The following KYNU variants were observed in gnomAD, a reference collection of about 807,000 sequenced individuals.
The protein encoded by KYNU is L-kynurenine hydrolase.
In KYNU, 54 loss-of-function variants were observed where a neutral mutation model predicts 59.2. The ratio of observed to expected loss-of-function variants is 0.91; its 90% CI spans 0.73 to 1.14. The LOEUF (loss-of-function observed/expected upper bound fraction) is 1.14, where lower values mean the gene tolerates loss of function less well. Among genes scored for constraint, KYNU ranks in the 50% most tolerant of loss-of-function variants. The probability of loss-of-function intolerance (pLI) is 0.00; values close to 1 mark genes in which losing one functional copy is unlikely to be tolerated. For synonymous variants in KYNU, 177 were observed against 192.0 expected (o/e 0.92, Z 0.65); for missense variants, 567 against 554.4 (o/e 1.02, Z -0.23).
At chr2:142,879,158 G>A (rs902423862) in intron 1 of KYNU, among the ~76,000 whole-genome samples, 12 of 152,182 alleles carry the variant, frequency 7.9e-5, no homozygotes, top group African/African-American at 2.7e-4. Context: ...CTTAGCTGCT[G>A]GGGTGAATGC....
At chr2:142,968,065 C>T (rs1430190631) in intron 8 of KYNU, among the ~76,000 whole-genome samples, 1 of 152,136 alleles carries the variant, frequency 6.6e-6, no homozygotes, top group Non-Finnish European at 1.5e-5. Flanking sequence ...TTGCTATTGT[C>T]ACTGGCCATT....
intron 10 of KYNU, among the ~76,000 whole-genome samples, chr2:143,021,581 G>C (rs1686410017): frequency 6.6e-6 from 1 of 151,256 alleles, no homozygotes; most frequent in African/African-American, 2.4e-5. Flanking sequence ...GAGGCAAATG[G>C]GGGGCAGGCA....
At chr2:142,899,994 C>T (rs1682020533) in intron 2 of KYNU, among the ~76,000 whole-genome samples, 1 of 152,174 alleles carries the variant, frequency 6.6e-6, no homozygotes, top group Admixed American at 6.5e-5. Flanking sequence ...TAGCGGCAAG[C>T]CTCTTGTTCT....
chr2:142,900,157 T>C (rs558294909), intron 2 of KYNU, among the ~76,000 whole-genome samples: 89 of 152,290 alleles, frequency 5.8e-4, no homozygotes, highest in African/African-American at 2.1e-3. Flanking sequence ...ACCTGGGCAC[T>C]TAGCCGTGCA....
At chr2:143,011,514 A>T (rs1328163316) in intron 10 of KYNU, among the ~76,000 whole-genome samples, 3 of 116,346 alleles carry the variant, frequency 2.6e-5, no homozygotes, top group African/African-American at 3.7e-5. Flanking sequence ...GCGATTCCTC[A>T]GGGATCTAGA....
intron 7 of KYNU, among the ~76,000 whole-genome samples, chr2:142,958,680 A>G (rs1031143235): frequency 6.6e-6 from 1 of 152,216 alleles, no homozygotes; most frequent in Admixed American, 6.5e-5. Flanking sequence ...TAATAATCAC[A>G]TAAGTGACCA....
chr2:142,947,378 T>TA (rs1317396502), intron 4 of KYNU: 5 of 724,790 alleles, frequency 6.9e-6, no homozygotes, highest in Non-Finnish European at 8.7e-6. Context: ...TGTGTCTTTT[T>TA]AAAAAATAGT....
At chr2:143,015,410 TTCTCA>T (rs1480793937) in intron 10 of KYNU, among the ~76,000 whole-genome samples, 6 of 152,016 alleles carry the variant, frequency 3.9e-5, no homozygotes, top group African/African-American at 7.2e-5. Context: ...TCATGCAAAA[TTCTCA>T]GGCGCCAAGT....
At chr2:143,012,683 T>G (rs1466946935) in intron 10 of KYNU, among the ~76,000 whole-genome samples, 1 of 152,164 alleles carries the variant, frequency 6.6e-6, no homozygotes, top group Non-Finnish European at 1.5e-5. Flanking sequence ...TCCACCTTCA[T>G]GCAGTTACCC....
chr2:142,942,524 T>A (rs934114702), intron 4 of KYNU, among the ~76,000 whole-genome samples: 7 of 152,206 alleles, frequency 4.6e-5, no homozygotes, highest in African/African-American at 1.7e-4. Context: ...AAGGCCAAAT[T>A]TATTTTTTCT....
Position 142,892,377 on chromosome 2 carries a change from G to A in KYNU, c.169+6841G>A, listed in dbSNP as rs763486320. On this transcript the variant is annotated intron_variant, in intron 2 of 13. Coordinates refer to ENST00000264170, the MANE Select transcript of KYNU (RefSeq NM_003937.3). ...TAGGCAGACCTTAGTGTGGAGTGACGTCCAATCATGAAGAGGGAACAGCAT... is the reference window on the plus strand; with the variant it reads ...TAGGCAGACCTTAGTGTGGAGTGACATCCAATCATGAAGAGGGAACAGCAT... Among the ~76,000 whole-genome samples the A allele has an allele frequency of 3.2e-4, 48 of 152,310 alleles. 1 individual carries two copies. Among genetic ancestry groups the A allele is most frequent in the Middle Eastern group, 3.4e-3 (1 of 294 alleles).
chr2:143,048,663 A>G lies in KYNU; in HGVS notation c.*6491A>G, dbSNP rs955258750. On this transcript the variant is annotated 3_prime_UTR_variant, in exon 14 of 14. Coordinates refer to ENST00000264170, the MANE Select transcript of KYNU (RefSeq NM_003937.3). ...TTTCTCATTACTTAAAAATAGTTTC[A>G]CTTCATATAGAATTCTATGTCGACA... is the stretch of plus-strand genomic sequence containing the variant. The G allele has an allele frequency of 1.3e-5, 2 of 152,206 alleles. No homozygotes were observed. Among genetic ancestry groups the G allele is most frequent in the Non-Finnish European group, 2.9e-5 (2 of 68,030 alleles). The allele number at this position is 152,206 out of a possible 1,614,324, so 9.4% of individuals were successfully genotyped here.
intron 10 of KYNU, among the ~76,000 whole-genome samples, chr2:143,006,849 G>C (rs1685921752): frequency 6.6e-6 from 1 of 151,992 alleles, no homozygotes; most frequent in Admixed American, 6.5e-5. Context: ...TGAGGGTCCT[G>C]TCTGTTAGAA....
At chr2:142,903,857 C>G (rs916027146) in intron 2 of KYNU, among the ~76,000 whole-genome samples, 1 of 152,156 alleles carries the variant, frequency 6.6e-6, no homozygotes, top group African/African-American at 2.4e-5. Context: ...CCTTGTAGAT[C>G]GCACTGGAAG....
intron 8 of KYNU, among the ~76,000 whole-genome samples, chr2:142,979,063 G>A (rs576968848): frequency 1.3e-5 from 2 of 152,120 alleles, no homozygotes; most frequent in South Asian, 2.1e-4. Flanking sequence ...GGAAATTTCA[G>A]CACAGGCCCT....
chr2:142,894,686 T>C (rs1047130553), intron 2 of KYNU, among the ~76,000 whole-genome samples: 1 of 152,238 alleles, frequency 6.6e-6, no homozygotes. Context: ...TAAGAAAATA[T>C]GTTTAATAGA....
intron 10 of KYNU, among the ~76,000 whole-genome samples, chr2:143,004,573 T>G (rs1685810657): frequency 6.6e-6 from 1 of 152,084 alleles, no homozygotes; most frequent in African/African-American, 2.4e-5. Context: ...TAGCTGCGTG[T>G]GGTGGTGTGC....
At chr2:142,882,213 C>T (rs917091190) in intron 1 of KYNU, among the ~76,000 whole-genome samples, 6 of 152,092 alleles carry the variant, frequency 3.9e-5, no homozygotes, top group Admixed American at 2.6e-4. Context: ...ACTTTTTCTC[C>T]AAACTACATC....
chr2:142,978,123 T>C (rs1684942762), intron 8 of KYNU, among the ~76,000 whole-genome samples: 1 of 152,134 alleles, frequency 6.6e-6, no homozygotes, highest in Admixed American at 6.6e-5. Flanking sequence ...ACTCCCTAAT[T>C]AGGAATTCCT....
Sources: allele counts gnomAD v4.1 joint callset (sites outside exome capture counted in the v4.1 genomes callset), GRCh38; gene constraint gnomAD v4.1.1; transcripts MANE v1.5; gene names NCBI Gene and HGNC (gene_info 2026-07-23, HGNC 2026-07-21).